Variants in ROR1 observed in about 807,000 individuals in gnomAD.
ROR1 encodes the protein ROR family WNT receptor 1, also known as inactive tyrosine-protein kinase transmembrane receptor ROR1.
A neutral mutation model predicts 78.8 loss-of-function variants in ROR1; 19 were observed. That is an observed-to-expected ratio of 0.24 (90% CI 0.17 to 0.35). The LOEUF (loss-of-function observed/expected upper bound fraction) is 0.35, where lower values mean the gene tolerates loss of function less well. Among genes scored for constraint, ROR1 ranks in the 10% least tolerant of loss-of-function variants. The pLI is 1.00. For synonymous variants in ROR1, 386 were observed against 433.6 expected (o/e 0.89, Z 1.36); for missense variants, 917 against 1,177.8 (o/e 0.78, Z 3.24).
At chr1:63,997,786 C>G (rs989142728) in intron 1 of ROR1, among the ~76,000 whole-genome samples, 13 of 147,810 alleles carry the variant, frequency 8.8e-5, no homozygotes, top group African/African-American at 2.9e-4. Context: ...ACATTAAACA[C>G]TCTTCAGGCT....
intron 4 of ROR1, among the ~76,000 whole-genome samples, chr1:64,052,733 A>G (rs908441172): frequency 2.0e-5 from 3 of 152,194 alleles, no homozygotes; most frequent in Admixed American, 2.0e-4. Flanking sequence ...TATAGTTACC[A>G]TGTTTGCTTG....
chr1:64,080,730 G>C (rs2100631067), intron 4 of ROR1, among the ~76,000 whole-genome samples: 1 of 152,320 alleles, frequency 6.6e-6, no homozygotes, highest in South Asian at 2.1e-4. Context: ...CAAGAGTACG[G>C]ATGGAGGACA....
chr1:64,060,855 G>T (rs1472457046), intron 4 of ROR1, among the ~76,000 whole-genome samples: 1 of 152,208 alleles, frequency 6.6e-6, no homozygotes, highest in Admixed American at 6.5e-5. Context: ...GAGAAGCCAA[G>T]CTCTTATGTA....
At chr1:63,904,764 C>T (rs547916142) in intron 1 of ROR1, among the ~76,000 whole-genome samples, 1 of 152,112 alleles carries the variant, frequency 6.6e-6, no homozygotes, top group East Asian at 1.9e-4. Context: ...AGTGAAGATG[C>T]GAGGAGAGGA....
At chr1:64,095,187 C>T (rs1184752292) in intron 4 of ROR1, 1 of 152,180 alleles carries the variant, frequency 6.6e-6, no homozygotes, top group Non-Finnish European at 1.5e-5. Flanking sequence ...TTGATTTTGT[C>T]TCTTAGACTT....
At position 64,140,113 on chromosome 1, in the gene ROR1, C is replaced by G. The variant is rs370267241; in HGVS notation, c.615C>G (p.Ala205=). Residue 205 remains alanine (A), a synonymous_variant, in exon 6 of 9, where the codon GCC becomes GCG. Transcript: ENST00000371079. ...QGEIENQITA[A]FTMIGTSSHL... ...ATAATTGTGTTTGTTTTCCAGCTGC[C>G]TTCACTATGATTGGCACTTCCAGTC... is the stretch of plus-strand genomic sequence containing the variant. The G allele has an allele frequency of 6.2e-7, 1 of 1,610,544 alleles. No homozygotes were observed. The highest frequency in any genetic ancestry group is 1.3e-5 in the African/African-American group (1 of 74,818).
At chr1:64,137,346 T>G (rs1407407546) in intron 4 of ROR1, 23 bp from the exon 5 acceptor site, 1 of 1,613,504 alleles carries the variant, frequency 6.2e-7, no homozygotes, top group African/African-American at 1.3e-5. Flanking sequence ...CATCAGCTAA[T>G]GTCTGTCTAT....
intron 2 of ROR1, among the ~76,000 whole-genome samples, chr1:64,042,542 C>G (rs1361445112): frequency 2.0e-5 from 3 of 152,110 alleles, no homozygotes; most frequent in African/African-American, 2.4e-5. Context: ...GAACTAAGAT[C>G]CAGCAGGTGG....
rs553404799 is a variant in ROR1 at position 64,139,859 on chromosome 1, T to A, written c.611-250T>A. On this transcript the variant is annotated intron_variant, in intron 5 of 8. Transcript: ENST00000371079. The stretch of plus-strand genomic sequence containing the variant: ...ATATATTGTACTTTAACTTAATTAA[T>A]TTTTTTATTAGGAAATGGTACATAT... Among the ~76,000 whole-genome samples the A allele has an allele frequency of 1.9e-3, 294 of 152,226 alleles. 3 individuals are homozygous for A. Among genetic ancestry groups the A allele is most frequent in the African/African-American group, 6.6e-3 (275 of 41,500 alleles).
At chr1:64,151,723 A>C (rs976860216) in intron 7 of ROR1, among the ~76,000 whole-genome samples, 6 of 150,286 alleles carry the variant, frequency 4.0e-5, no homozygotes, top group African/African-American at 1.5e-4. Context: ...AAATACAAAA[A>C]AAAAAAAAAA....
chr1:63,996,281 G>C (rs960720423), intron 1 of ROR1, among the ~76,000 whole-genome samples: 1 of 152,144 alleles, frequency 6.6e-6, no homozygotes, highest in Non-Finnish European at 1.5e-5. Context: ...TCAGAAGAGG[G>C]AGAAATTAAA....
chr1:63,832,194 T>C (rs1383853801), intron 1 of ROR1, among the ~76,000 whole-genome samples: 1 of 152,196 alleles, frequency 6.6e-6, no homozygotes, highest in Non-Finnish European at 1.5e-5. Flanking sequence ...TTCCCACATC[T>C]TCCTGTCTTC....
chr1:64,143,535 G>A (rs1049762493), intron 7 of ROR1: 1 of 436,592 alleles, frequency 2.3e-6, no homozygotes, highest in African/African-American at 2.1e-5. Context: ...CTACAGGGTA[G>A]GAGGGTGGGC....
intron 1 of ROR1, among the ~76,000 whole-genome samples, chr1:63,862,307 T>C (rs1645186690): frequency 7.0e-6 from 1 of 142,796 alleles, no homozygotes; most frequent in African/African-American, 2.7e-5. Context: ...GACAGGAGAA[T>C]CGCTTGAACC....
intron 1 of ROR1, among the ~76,000 whole-genome samples, chr1:63,972,106 G>A (rs1646124027): frequency 6.6e-6 from 1 of 152,168 alleles, no homozygotes; most frequent in Non-Finnish European, 1.5e-5. Flanking sequence ...TACTGGCTGT[G>A]TTCTTTTCCT....
intron 4 of ROR1, among the ~76,000 whole-genome samples, chr1:64,064,892 C>T (rs994505678): frequency 1.3e-5 from 2 of 152,056 alleles, no homozygotes; most frequent in Non-Finnish European, 2.9e-5. Context: ...TTTCTTTTCT[C>T]CTTTGATCTT....
intron 1 of ROR1, among the ~76,000 whole-genome samples, chr1:63,919,813 C>T (rs1483433738): frequency 1.3e-5 from 2 of 152,238 alleles, no homozygotes; most frequent in African/African-American, 4.8e-5. Flanking sequence ...TAATTATTAG[C>T]GATGCACAGT....
At chr1:63,867,308 C>T (rs116740206) in intron 1 of ROR1, among the ~76,000 whole-genome samples, 79 of 152,290 alleles carry the variant, frequency 5.2e-4, no homozygotes, top group African/African-American at 1.7e-3. Context: ...AAAGCGCTCA[C>T]GGAGGTTTAT....
At chr1:63,811,099 G>A (rs1363743534) in intron 1 of ROR1, among the ~76,000 whole-genome samples, 1 of 152,182 alleles carries the variant, frequency 6.6e-6, no homozygotes, top group Non-Finnish European at 1.5e-5. Flanking sequence ...TGGGATTGAG[G>A]TTAATATATA....
Sources: allele counts gnomAD v4.1 joint callset (sites outside exome capture counted in the v4.1 genomes callset), GRCh38; gene constraint gnomAD v4.1.1; transcripts MANE v1.5; gene names NCBI Gene and HGNC (gene_info 2026-07-23, HGNC 2026-07-21).